The following FOCAD variants were observed in gnomAD, a reference collection of about 807,000 sequenced individuals.
FOCAD encodes the protein focadhesin.
Under a neutral mutation model 225.6 loss-of-function variants are expected in FOCAD, and 198 were observed. That is an observed-to-expected ratio of 0.88 (90% CI 0.78 to 0.99). The LOEUF (loss-of-function observed/expected upper bound fraction) is 0.99. Among genes scored for constraint, FOCAD ranks in the 50% least tolerant of loss-of-function variants. FOCAD has a pLI of 0.00. For synonymous variants in FOCAD, 897 were observed against 755.0 expected, an observed-to-expected ratio of 1.19 and a Z score of -3.08; for missense variants, 2,713 against 2,123.6, an observed-to-expected ratio of 1.28 and a Z score of -5.46.
At chr9:20,779,648 G>A (rs1326624136) in intron 9 of FOCAD, among the ~76,000 whole-genome samples, 1 of 151,984 alleles carries the variant, frequency 6.6e-6, no homozygotes, top group Non-Finnish European at 1.5e-5. Flanking sequence ...TACTTGGTTG[G>A]CTGAGGCAGG....
At chr9:20,848,064 C>T (rs527736219) in intron 15 of FOCAD, among the ~76,000 whole-genome samples, 1 of 151,884 alleles carries the variant, frequency 6.6e-6, no homozygotes, top group South Asian at 2.1e-4. Flanking sequence ...GAAGGTTTGC[C>T]GAAAATCACT....
chr9:20,939,711 G>T (rs1422049001), intron 28 of FOCAD, among the ~76,000 whole-genome samples: 28 of 142,754 alleles, frequency 2.0e-4, no homozygotes, highest in African/African-American at 3.6e-4. Flanking sequence ...ATTTTTTTTT[G>T]TTTTTATTTT....
rs1175316044 is a variant in FOCAD at position 20,717,856 on chromosome 9, A to G, written c.120A>G (p.Gln40=). 7 of 1,612,140 alleles carry G rather than the reference A, an allele frequency of 4.3e-6. No individual in the cohort carries two copies. Among genetic ancestry groups the G allele is most frequent in the East Asian group, 2.2e-5 (1 of 44,776 alleles). ...ATGGTTTTTCAGAAAAGATTCACCA[A>G]TCTACAAATCAGGTCTGTGTTTAAC... ...KENGFSEKIH[Q]STNQTPALNL... is the part of the protein sequence containing the mutation. Residue 40 remains glutamine (Q), a synonymous_variant, in exon 3 of 44, where the codon CAA becomes CAG. Coordinates refer to ENST00000338382, the MANE Select transcript of FOCAD (RefSeq NM_001375567.1).
chr9:20,789,675 C>G (rs1291437968), intron 11 of FOCAD, 67 bp downstream of exon 11: 2 of 1,567,726 alleles, frequency 1.3e-6, no homozygotes, highest in South Asian at 2.3e-5. Context: ...TAGATTATTC[C>G]TGCTTTGTGG....
chr9:20,778,046 T>G (rs887803747), intron 8 of FOCAD, among the ~76,000 whole-genome samples: 1 of 122,662 alleles, frequency 8.2e-6, no homozygotes, highest in Non-Finnish European at 1.6e-5. Flanking sequence ...GCGGAGATCG[T>G]GCCACAGCAC....
intron 2 of FOCAD, among the ~76,000 whole-genome samples, chr9:20,672,811 A>G (rs1329922321): frequency 6.6e-6 from 1 of 152,244 alleles, no homozygotes; most frequent in Non-Finnish European, 1.5e-5. Flanking sequence ...GTTACTTAAA[A>G]TATTATTGTT....
At chr9:20,973,316 C>G (rs552638900) in intron 35 of FOCAD, among the ~76,000 whole-genome samples, 1 of 152,142 alleles carries the variant, frequency 6.6e-6, no homozygotes, top group Non-Finnish European at 1.5e-5. Context: ...TGTTCTGCTT[C>G]CGTCTTCTTT....
At chr9:20,709,903 CTG>C (rs1304617032) in intron 1 of FOCAD, among the ~76,000 whole-genome samples, 1 of 152,196 alleles carries the variant, frequency 6.6e-6, no homozygotes, top group Non-Finnish European at 1.5e-5. Flanking sequence ...AAAAACAACA[CTG>C]TTTTTCCACA....
intron 5 of FOCAD, among the ~76,000 whole-genome samples, chr9:20,756,374 G>A (rs1463565125): frequency 1.3e-5 from 2 of 152,048 alleles, no homozygotes; most frequent in Non-Finnish European, 2.9e-5. Context: ...GTGTTTCAAT[G>A]TGATAGATCT....
chr9:20,800,863 C>T (rs554476624), intron 11 of FOCAD, among the ~76,000 whole-genome samples: 4 of 152,276 alleles, frequency 2.6e-5, no homozygotes, highest in Middle Eastern at 6.8e-3. Context: ...AAGTCATTCT[C>T]CATCCAGCTT....
At chr9:20,748,274 A>C (rs1432982585) in intron 5 of FOCAD, among the ~76,000 whole-genome samples, 1 of 152,104 alleles carries the variant, frequency 6.6e-6, no homozygotes, top group African/African-American at 2.4e-5. Flanking sequence ...TTCTGGACAG[A>C]ACATATCATA....
At chr9:20,728,547 C>T (rs1345905260) in intron 4 of FOCAD, among the ~76,000 whole-genome samples, 1 of 152,158 alleles carries the variant, frequency 6.6e-6, no homozygotes, top group Non-Finnish European at 1.5e-5. Context: ...ATTAGGGATA[C>T]TTAGTCTGTA....
At chr9:20,974,537 T>C (rs1192291889) in intron 35 of FOCAD, among the ~76,000 whole-genome samples, 1 of 133,590 alleles carries the variant, frequency 7.5e-6, no homozygotes, top group Non-Finnish European at 1.6e-5. Flanking sequence ...TTGTCCTTTC[T>C]GTAGCTGTTT....
intron 15 of FOCAD, among the ~76,000 whole-genome samples, chr9:20,835,602 G>C (rs1237926828): frequency 1.3e-5 from 2 of 152,022 alleles, no homozygotes; most frequent in African/African-American, 4.8e-5. Flanking sequence ...AGGAGAAAAA[G>C]AATGTTCAGT....
At chr9:20,679,951 A>G (rs1822351523), upstream of FOCAD, among the ~76,000 whole-genome samples, 3 of 152,216 alleles carry the variant, frequency 2.0e-5, no homozygotes, top group Non-Finnish European at 4.4e-5. Context: ...GCTGTTTCTC[A>G]GAAATATTCC....
intron 35 of FOCAD, among the ~76,000 whole-genome samples, chr9:20,972,199 A>G (rs991271158): frequency 3.3e-5 from 5 of 152,154 alleles, no homozygotes; most frequent in African/African-American, 4.8e-5. Context: ...AGGAACTGCC[A>G]TACTGTTTTA....
chr9:20,724,045 C>T (rs1006652464), intron 4 of FOCAD, among the ~76,000 whole-genome samples: 1 of 152,172 alleles, frequency 6.6e-6, no homozygotes, highest in African/African-American at 2.4e-5. Flanking sequence ...TGAGCAAGAA[C>T]TCACTTGTCA....
At chr9:20,759,673 G>A (rs1274185457) in intron 6 of FOCAD, among the ~76,000 whole-genome samples, 3 of 152,064 alleles carry the variant, frequency 2.0e-5, no homozygotes, top group Non-Finnish European at 2.9e-5. Flanking sequence ...ATGTCAGGTT[G>A]TAGTTTTCTA....
chr9:20,701,614 CT>C (rs925692284), intron 1 of FOCAD, among the ~76,000 whole-genome samples: 1 of 152,134 alleles, frequency 6.6e-6, no homozygotes, highest in Non-Finnish European at 1.5e-5. Context: ...CCTTTGTTAC[CT>C]ACTCATTGAA....
Sources: allele counts gnomAD v4.1 joint callset (sites outside exome capture counted in the v4.1 genomes callset), GRCh38; gene constraint gnomAD v4.1.1; transcripts MANE v1.5; gene names NCBI Gene and HGNC (gene_info 2026-07-23, HGNC 2026-07-21).